The following ZNF521 variants were observed in gnomAD, a reference collection of about 807,000 sequenced individuals.
ZNF521 encodes zinc finger protein 521, also known as LYST-interacting protein 3.
Under a neutral mutation model 105.5 loss-of-function variants are expected in ZNF521, and 14 were observed. The observed-to-expected ratio is 0.13, with a 90% CI of 0.09 to 0.21. ZNF521 has a LOEUF of 0.21. Ranked by LOEUF, ZNF521 falls within the 10% of genes least tolerant of loss-of-function variation. The pLI, the probability that ZNF521 is intolerant of heterozygous loss-of-function variation, is 1.00. For missense variants in ZNF521, 1,233 were observed against 1,629.7 expected (o/e 0.76, Z 4.19); for synonymous variants, 635 against 606.0 (o/e 1.05, Z -0.70).
At chr18:25,147,601 A>T (rs1047743015) in intron 5 of ZNF521, among the ~76,000 whole-genome samples, 1 of 152,126 alleles carries the variant, frequency 6.6e-6, no homozygotes, top group African/African-American at 2.4e-5. Context: ...TTTAATATTG[A>T]TCTTTAAACA....
At chr18:25,081,424 TA>T (rs935583855) in intron 7 of ZNF521, among the ~76,000 whole-genome samples, 11 of 152,198 alleles carry the variant, frequency 7.2e-5, no homozygotes, top group African/African-American at 2.7e-4. Context: ...TGGGGTGCTG[TA>T]GAAACAATTC....
At chr18:25,165,839 T>C (rs2035330437) in intron 5 of ZNF521, among the ~76,000 whole-genome samples, 1 of 152,234 alleles carries the variant, frequency 6.6e-6, no homozygotes, top group Admixed American at 6.5e-5. Flanking sequence ...AATTTGAATT[T>C]ATGAGTTGCA....
intron 4 of ZNF521, among the ~76,000 whole-genome samples, chr18:25,210,963 A>G (rs529918302): frequency 1.2e-3 from 181 of 152,374 alleles, no homozygotes; most frequent in African/African-American, 3.8e-3. Flanking sequence ...TGCCTTGTGC[A>G]TGGCAGGAAT....
intron 3 of ZNF521, among the ~76,000 whole-genome samples, chr18:25,259,529 C>T (rs1908760395): frequency 6.6e-6 from 1 of 152,040 alleles, no homozygotes; most frequent in Non-Finnish European, 1.5e-5. Context: ...GCGTAAACTT[C>T]CAGGAGCAGA....
chr18:25,080,940 AG>A (rs1487008962), intron 7 of ZNF521, among the ~76,000 whole-genome samples: 1 of 152,232 alleles, frequency 6.6e-6, no homozygotes, highest in African/African-American at 2.4e-5. Flanking sequence ...ATTTCTCCAA[AG>A]GATCCGACTA....
At chr18:25,117,246 T>C (rs771051320) in intron 5 of ZNF521, among the ~76,000 whole-genome samples, 39 of 151,722 alleles carry the variant, frequency 2.6e-4, no homozygotes, top group Non-Finnish European at 3.1e-4. Context: ...TCTGTATAAA[T>C]AGAGAGAGTG....
intron 5 of ZNF521, 145 bp from the exon 6 acceptor site, chr18:25,092,226 A>G: frequency 1.1e-6 from 1 of 949,762 alleles, no homozygotes; most frequent in Non-Finnish European, 1.5e-6. Flanking sequence ...TGGTTATTTC[A>G]CATTATTCAT....
intron 7 of ZNF521, chr18:25,082,795 T>C (rs1236429931): frequency 5.1e-6 from 1 of 195,206 alleles, no homozygotes; most frequent in South Asian, 5.1e-5. Flanking sequence ...TGAGCCAAGA[T>C]GGTGCCATTG....
intron 3 of ZNF521, among the ~76,000 whole-genome samples, chr18:25,240,947 T>TAAAAA (rs35790866): frequency 8.5e-6 from 1 of 117,972 alleles, no homozygotes. Flanking sequence ...AACCAGATAT[T>TAAAAA]AAAAAAAAAA....
intron 2 of ZNF521, among the ~76,000 whole-genome samples, chr18:25,328,123 C>G (rs915581780): frequency 6.6e-6 from 1 of 152,106 alleles, no homozygotes; most frequent in Admixed American, 6.6e-5. Flanking sequence ...AGAAAAGGAA[C>G]CTGTAATCTA....
intron 3 of ZNF521, among the ~76,000 whole-genome samples, chr18:25,277,515 T>G (rs928921065): frequency 2.6e-5 from 4 of 152,158 alleles, no homozygotes; most frequent in Non-Finnish European, 5.9e-5. Context: ...CCTCAACTAT[T>G]AAGTAAAATA....
chr18:25,288,596 A>G (rs531461830), intron 3 of ZNF521, among the ~76,000 whole-genome samples: 123 of 91,122 alleles, frequency 1.3e-3, no homozygotes, highest in African/African-American at 6.0e-3. Context: ...CCCAGCTTTG[A>G]AAAAAAAAAA....
At chr18:25,182,250 A>G (rs958171857) in intron 5 of ZNF521, among the ~76,000 whole-genome samples, 1 of 152,176 alleles carries the variant, frequency 6.6e-6, no homozygotes, top group African/African-American at 2.4e-5. Flanking sequence ...AAATTCTGGC[A>G]AAGTTCTCTC....
rs753386342 is a variant in ZNF521, at chr18:25,225,325, T to A, written c.2593A>T (p.Ser865Cys). The change falls in exon 4 of 8, where the codon AGC (serine) becomes TGC (cysteine). Residue 865 changes from serine (S) to cysteine (C), a missense_variant. Ser to Cys is a moderately radical substitution (Grantham distance 112, BLOSUM62 -1). Coordinates refer to ENST00000361524, the MANE Select transcript of ZNF521 (RefSeq NM_015461.3). This position sits in a 1 kb window ranked among gnomAD's most constrained non-coding sequence, Gnocchi z 5.6. Reference sequence around the variant, plus strand: ...TCGTGACTGTTGTGGGACTCCTGGCTGTTGGTCAGCAAAGTCTGCAGCTCC... The same window carrying A: ...TCGTGACTGTTGTGGGACTCCTGGCAGTTGGTCAGCAAAGTCTGCAGCTCC... ...EVELQTLLTN[S>C]QESHNSHDGS... 1.4e-5 allele frequency: 22 copies of A among 1,614,100 alleles called. No individual in the cohort carries two copies. Among genetic ancestry groups the A allele is most frequent in the Non-Finnish European group, 1.8e-5 (21 of 1,180,034 alleles).
At chr18:25,214,591 ATCCTTCAGTTTTCAGC>A in intron 4 of ZNF521, among the ~76,000 whole-genome samples, 1 of 152,132 alleles carries the variant, frequency 6.6e-6, no homozygotes, top group Non-Finnish European at 1.5e-5. Flanking sequence ...AAATGTATTT[ATCCTTCAGTTTTCAGC>A]ATTTTTAATT....
chr18:25,193,696 T>C (rs1174065381), intron 5 of ZNF521, among the ~76,000 whole-genome samples: 1 of 152,022 alleles, frequency 6.6e-6, no homozygotes, highest in Non-Finnish European at 1.5e-5. Flanking sequence ...AAGGAAACAT[T>C]TGAATCTCTC....
chr18:25,234,275 A>C (rs1906729694), intron 3 of ZNF521, among the ~76,000 whole-genome samples: 3 of 152,120 alleles, frequency 2.0e-5, no homozygotes, highest in African/African-American at 4.8e-5. Flanking sequence ...TAACATGTTG[A>C]TCTTTTCTTG....
At chr18:25,097,374 T>G (rs563383855) in intron 5 of ZNF521, among the ~76,000 whole-genome samples, 1 of 152,162 alleles carries the variant, frequency 6.6e-6, no homozygotes, top group African/African-American at 2.4e-5. Flanking sequence ...AGATTAGTCA[T>G]TAAGCCCCCA....
rs2036134897 is a variant in ZNF521, at chr18:25,209,233, G to C, written c.3574-13989C>G. Among the ~76,000 whole-genome samples the C allele has an allele frequency of 2.0e-5, 3 of 151,778 alleles. No homozygotes were observed. The South Asian group carries it at 6.2e-4, about 32-fold the overall frequency. On this transcript the variant is annotated intron_variant, in intron 4 of 7. Coordinates refer to ENST00000361524, the MANE Select transcript of ZNF521 (RefSeq NM_015461.3). ...TGCAACCTCCATCTCCTAGGTTCAA[G>C]CGATTCTTCTGCCTCAGCCTCCTGA...
Sources: allele counts gnomAD v4.1 joint callset (sites outside exome capture counted in the v4.1 genomes callset), GRCh38; gene constraint gnomAD v4.1.1; non-coding constraint Gnocchi (gnomAD v3.1); transcripts MANE v1.5; gene names NCBI Gene and HGNC (gene_info 2026-07-23, HGNC 2026-07-21).